Variants in FGD1 observed in about 807,000 individuals in gnomAD.
FGD1 encodes FYVE, RhoGEF and PH domain-containing protein 1.
FGD1 carries 12 observed loss-of-function variants against 65.0 expected under a neutral mutation model. That is an observed-to-expected ratio of 0.18 (90% CI 0.12 to 0.30). FGD1 has a LOEUF of 0.30. Ranked by LOEUF, FGD1 falls within the 10% of genes least tolerant of loss-of-function variation. FGD1 has a pLI of 1.00. For synonymous variants in FGD1, 333 were observed against 343.9 expected, an observed-to-expected ratio of 0.97 and a Z score of 0.35; for missense variants, 542 against 837.6, an observed-to-expected ratio of 0.65 and a Z score of 4.36.
intron 16 of FGD1, among the ~76,000 whole-genome samples, chrX:54,448,263 G>A (rs969520184): frequency 1.9e-5 from 2 of 108,048 alleles, no homozygotes; most frequent in African/African-American, 6.8e-5. Context: ...TTGGCTCACC[G>A]CAACCTCTGC....
chrX:54,495,102 A>G, intron 1 of FGD1, 24 bp downstream of exon 1: 1 of 1,166,983 alleles, frequency 8.6e-7, no homozygotes. Flanking sequence ...CCGGGCTCCC[A>G]TGCTCTCTCA....
chrX:54,495,455 C>T lies in FGD1; in HGVS notation c.-23G>A, dbSNP rs886124646. On this transcript the variant is annotated 5_prime_UTR_variant, in exon 1 of 18. Coordinates refer to ENST00000375135, the MANE Select transcript of FGD1 (RefSeq NM_004463.3). ...CATGGTCCGGGCCTGGGCGCGGGGCCCGAGCTCCCCGCTTGGCTCCAGCTC... is the reference window on the plus strand; with the variant it reads ...CATGGTCCGGGCCTGGGCGCGGGGCTCGAGCTCCCCGCTTGGCTCCAGCTC... 3 of 947,258 alleles carry T rather than the reference C, an allele frequency of 3.2e-6. No homozygotes were observed. The highest frequency in any genetic ancestry group is 4.2e-5 in the African/African-American group (2 of 47,928). The allele number at this position is 947,258 out of a possible 1,213,427, so 78.1% of individuals were successfully genotyped here. A position where few individuals can be genotyped will look rare whatever the true frequency, so the allele number is the denominator to read the frequency against.
chrX:54,470,699 G>T lies in FGD1; in HGVS notation c.543C>A (p.Pro181=), dbSNP rs113204374. The T allele has an allele frequency of 2.0e-6, 2 of 1,008,184 alleles. No homozygotes were observed. The highest frequency in any genetic ancestry group is 4.9e-5 in the Admixed American group (2 of 41,004). 83.1% of individuals were successfully genotyped at this position (1,008,184 alleles called of 1,213,427 possible). Residue 181 remains proline, a synonymous_variant, in exon 3 of 18, where the codon CCC becomes CCA. Transcript: ENST00000375135. Reference sequence around the variant, plus strand: ...CAGGCAGTGGGCGTGATGGTGGAGGGGGGATGGGCTCCAGTGGGGGGGGCA... The same window carrying T: ...CAGGCAGTGGGCGTGATGGTGGAGGTGGGATGGGCTCCAGTGGGGGGGGCA... ...PRMPPPLEPI[P]PPPSRPLPAD...
intron 1 of FGD1, among the ~76,000 whole-genome samples, chrX:54,479,700 G>A (rs1221836381): frequency 9.3e-6 from 1 of 107,019 alleles, no homozygotes; most frequent in East Asian, 2.9e-4. Flanking sequence ...GGGAGCAGAG[G>A]GAGTGGAGAA....
chrX:54,474,365 C>A (rs1181913757), intron 1 of FGD1, among the ~76,000 whole-genome samples: 1 of 112,814 alleles, frequency 8.9e-6, no homozygotes, highest in Non-Finnish European at 1.9e-5. Flanking sequence ...GAAGAAATAG[C>A]CCAACCCACA....
intron 17 of FGD1, among the ~76,000 whole-genome samples, chrX:54,446,618 C>A (rs1922190717): frequency 9.1e-6 from 1 of 109,785 alleles, no homozygotes; most frequent in Non-Finnish European, 1.9e-5. Flanking sequence ...ATACCTGTCT[C>A]CCCCCACCCC....
chrX:54,453,696 C>T (rs1229543440), intron 12 of FGD1, among the ~76,000 whole-genome samples: 2 of 112,188 alleles, frequency 1.8e-5, no homozygotes, highest in African/African-American at 3.2e-5. Flanking sequence ...TGAGCCACTG[C>T]GCCCTGCATG....
chrX:54,463,514 GCTCT>G (rs1255808378), intron 8 of FGD1, among the ~76,000 whole-genome samples: 2 of 111,287 alleles, frequency 1.8e-5, no homozygotes, highest in East Asian at 2.8e-4. Context: ...TGATCTCTCA[GCTCT>G]CTCTCTCTTG....
At chrX:54,471,603 C>A (rs1922896994) in intron 1 of FGD1, 116 bp from the exon 2 acceptor site, 1 of 705,701 alleles carries the variant, frequency 1.4e-6, no homozygotes, top group Non-Finnish European at 2.1e-6. Context: ...TTTCTCTGAG[C>A]CCCTTTCCTG....
chrX:54,471,584 G>A, intron 1 of FGD1, 97 bp from the exon 2 acceptor site: 2 of 839,289 alleles, frequency 2.4e-6, no homozygotes, highest in South Asian at 5.0e-5. Flanking sequence ...AGCTATCTGG[G>A]GTATTGGGTT....
rs144498939 is a variant in FGD1 at position 54,449,239 on chromosome X, C to T, written c.2178G>A (p.Thr726=). 83 of 1,210,215 alleles carry T rather than the reference C, an allele frequency of 6.9e-5. No individual in the cohort carries two copies. The highest frequency in any genetic ancestry group is 6.9e-4 in the Middle Eastern group (3 of 4,376). The change falls in exon 15 of 18, where the codon ACG becomes ACA. Residue 726 remains threonine, a synonymous_variant. Transcript: ENST00000375135. ...TGGTGACTTCCTTTTCCCGGATGGGCGTAGGTGCCCGCTTCCCAAGATCCA... is the reference window on the plus strand; with the variant it reads ...TGGTGACTTCCTTTTCCCGGATGGGTGTAGGTGCCCGCTTCCCAAGATCCA... ...PNVDLGKRAP[T]PIREKEVTMC...
At position 54,495,658 on chromosome X, in the gene FGD1, C is replaced by A; in HGVS notation, c.-226G>T. 1 of 173,253 alleles carries A rather than the reference C, an allele frequency of 5.8e-6. No individual in the cohort carries two copies. Among genetic ancestry groups the A allele is most frequent in the Non-Finnish European group, 1.1e-5 (1 of 92,062 alleles). 14.3% of individuals were successfully genotyped at this position (173,253 alleles called of 1,213,427 possible). ...GCAGCAGCAGCCGCGGCCACCGCCGCTGCCGTGCCAGGCATCGCCGGCCCC... is the reference window on the plus strand; with the variant it reads ...GCAGCAGCAGCCGCGGCCACCGCCGATGCCGTGCCAGGCATCGCCGGCCCC... On this transcript the variant is annotated 5_prime_UTR_variant, in exon 1 of 18. Coordinates refer to ENST00000375135, the MANE Select transcript of FGD1 (RefSeq NM_004463.3).
rs61734179 is a variant in FGD1, at chrX:54,447,323, G to A, written c.2568C>T (p.Tyr856=). 5.0e-4 allele frequency: 603 copies of A among 1,210,489 alleles called. 2 individuals are homozygous for A. Among genetic ancestry groups the A allele is most frequent in the African/African-American group, 3.3e-3 (188 of 57,454 alleles). ...GTAGGATGCATACCTGAGGGGCTCCGTAGATATACAGCACCAAGGGTTCAT... is the reference window on the plus strand; with the variant it reads ...GTAGGATGCATACCTGAGGGGCTCCATAGATATACAGCACCAAGGGTTCAT... ...PENEPLVLYI[Y]GAPQDVKAQR... The change falls in exon 17 of 18, where the codon TAC becomes TAT. Residue 856 remains tyrosine, a synonymous_variant. Transcript: ENST00000375135.
chrX:54,453,411 C>T (rs184398324), intron 12 of FGD1, among the ~76,000 whole-genome samples: 1 of 111,732 alleles, frequency 8.9e-6, no homozygotes, highest in Admixed American at 9.6e-5. Context: ...CTGGCCCTCA[C>T]CATGACCCTG....
Position 54,470,892 on chromosome X carries a change from C to G in FGD1, c.482-132G>C, listed in dbSNP as rs376276283. ...GGCATGGTGGCACGTGCCTGTAGTC[C>G]CAGCTACTTGGGAGGCTGAGGCAGG... On this transcript the variant is annotated intron_variant, in intron 2 of 17. Transcript: ENST00000375135. 67 of 438,662 alleles carry G rather than the reference C, an allele frequency of 1.5e-4. No individual in the cohort carries two copies. In the East Asian group the frequency reaches 1.6e-3, roughly 11 times the overall value. 36.2% of individuals were successfully genotyped at this position (438,662 alleles called of 1,213,427 possible). A position where few individuals can be genotyped will look rare whatever the true frequency, so the allele number is the denominator to read the frequency against.
chrX:54,455,718 C>T lies in FGD1; in HGVS notation c.1909G>A (p.Ala637Thr). Residue 637 changes from alanine to threonine, a missense_variant, in exon 11 of 18, where the codon GCA becomes ACA. Ala to Thr is a moderately conservative substitution (Grantham distance 58). Transcript: ENST00000375135. Reference protein sequence around the residue: ...RLLGQKFSVRARIDVDGMELK... With the variant: ...RLLGQKFSVRTRIDVDGMELK... ...TCCATGCCATCTACATCAATGCGTG[C>T]CCGCACGCTAAACTTCTGGCCAAGG... The T allele has an allele frequency of 8.4e-7, 1 of 1,193,104 alleles. No individual in the cohort carries two copies. Among genetic ancestry groups the T allele is most frequent in the South Asian group, 1.8e-5 (1 of 54,608 alleles).
At chrX:54,488,310 G>C (rs1350021772) in intron 1 of FGD1, among the ~76,000 whole-genome samples, 2 of 72,984 alleles carry the variant, frequency 2.7e-5, no homozygotes, top group Non-Finnish European at 5.2e-5. Context: ...AAAAGGCCAG[G>C]TGCGGTGGCT....
rs754355805 is a variant in FGD1, at chrX:54,455,760, C to T, written c.1867G>A (p.Val623Met). 13 of 1,185,925 alleles carry T rather than the reference C, an allele frequency of 1.1e-5. No homozygotes were observed. The highest frequency in any genetic ancestry group is 4.7e-5 in the Admixed American group (2 of 42,155). ...ILFNDRLLYC[V>M]PRLRLLGQKF... ...TGGCCAAGGAGCCGCAGCCTGGGCA[C>T]GCAGTAAAGGAGGCGGTCGTTGAAC... Residue 623 changes from valine (V) to methionine (M), a missense_variant, in exon 11 of 18, where the codon GTG becomes ATG. Coordinates refer to ENST00000375135, the MANE Select transcript of FGD1 (RefSeq NM_004463.3).
At chrX:54,489,551 C>T (rs1377223865) in intron 1 of FGD1, among the ~76,000 whole-genome samples, 4 of 110,452 alleles carry the variant, frequency 3.6e-5, no homozygotes, top group African/African-American at 1.3e-4. Flanking sequence ...AGCCACTGCA[C>T]TCCAGCCTGG....
Sources: gnomAD v4.1 joint callset for allele counts (sites outside exome capture counted in the v4.1 genomes callset) on GRCh38, gnomAD v4.1.1 for gene constraint, MANE v1.5 for transcripts, NCBI Gene and HGNC (gene_info 2026-07-23, HGNC 2026-07-21) for gene names.